The following LSAMP variants were observed in gnomAD, a reference collection of about 807,000 sequenced individuals.
LSAMP encodes the protein limbic system associated membrane protein, also known as limbic system-associated membrane protein.
A neutral mutation model predicts 38.6 loss-of-function variants in LSAMP; 7 were observed. The observed-to-expected ratio is 0.18, with a 90% CI of 0.10 to 0.34. LSAMP has a LOEUF of 0.34. Ranked by LOEUF, LSAMP falls within the 10% of genes least tolerant of loss-of-function variation. The pLI is 1.00. For synonymous variants in LSAMP, 154 were observed against 166.8 expected (o/e 0.92, Z 0.59); for missense variants, 313 against 420.0 (o/e 0.75, Z 2.23).
At chr3:116,330,710 A>C (rs542683397) in intron 1 of LSAMP, among the ~76,000 whole-genome samples, 33 of 152,308 alleles carry the variant, frequency 2.2e-4, no homozygotes, top group Non-Finnish European at 4.3e-4. Context: ...AGGAGGGCCT[A>C]AGTTTAACTC....
intron 1 of LSAMP, among the ~76,000 whole-genome samples, chr3:116,229,934 G>A (rs180842482): frequency 5.9e-5 from 9 of 152,092 alleles, no homozygotes; most frequent in Non-Finnish European, 2.9e-5. Context: ...TGGGGTGGTG[G>A]GTGGAAGATT....
chr3:115,834,598 C>T, intron 6 of LSAMP: 1 of 1,239,714 alleles, frequency 8.1e-7, no homozygotes, highest in Admixed American at 3.1e-5. Context: ...AAAACACGTT[C>T]TAAAGGGGAA....
intron 1 of LSAMP, among the ~76,000 whole-genome samples, chr3:116,128,811 A>G (rs1043037716): frequency 2.0e-5 from 3 of 152,196 alleles, no homozygotes; most frequent in Non-Finnish European, 4.4e-5. Flanking sequence ...ATGCAGAAAA[A>G]GAGGGAAAAA....
At chr3:116,260,838 G>A (rs1346874613) in intron 1 of LSAMP, among the ~76,000 whole-genome samples, 4 of 152,150 alleles carry the variant, frequency 2.6e-5, no homozygotes, top group Non-Finnish European at 5.9e-5. Flanking sequence ...GTCTAAGGCA[G>A]CATTTCCTTT....
At chr3:116,116,875 C>A (rs1400371081) in intron 1 of LSAMP, among the ~76,000 whole-genome samples, 1 of 152,146 alleles carries the variant, frequency 6.6e-6, no homozygotes, top group Admixed American at 6.5e-5. Flanking sequence ...GTCCAGCCTT[C>A]TAACCAGCCC....
At chr3:116,159,896 TA>T (rs1465505620) in intron 1 of LSAMP, among the ~76,000 whole-genome samples, 6 of 151,892 alleles carry the variant, frequency 4.0e-5, no homozygotes, top group African/African-American at 1.5e-4. Context: ...TACAAAGCCA[TA>T]AAAAAAGAAT....
chr3:116,257,775 C>T (rs1434177756), intron 1 of LSAMP, among the ~76,000 whole-genome samples: 1 of 152,156 alleles, frequency 6.6e-6, no homozygotes, highest in Non-Finnish European at 1.5e-5. Flanking sequence ...GCTGCTGATA[C>T]ATGGTGGGTG....
Position 115,842,445 on chromosome 3 carries a change from G to T in LSAMP, c.770+13C>A, listed in dbSNP as rs1559846344. 1.9e-6 allele frequency: 3 copies of T among 1,613,000 alleles called. No individual in the cohort carries two copies. Among genetic ancestry groups the T allele is most frequent in the East Asian group, 2.2e-5 (1 of 44,840 alleles). On this transcript the variant is annotated intron_variant, in intron 5 of 6. Transcript: ENST00000490035. ...GCAGTGGAGTCATGGGGGATGGTAG[G>T]TTTGGCACATACCTAGTGTCATCCC...
chr3:116,079,745 C>G (rs1707832519), intron 2 of LSAMP, among the ~76,000 whole-genome samples: 2 of 151,306 alleles, frequency 1.3e-5, no homozygotes, highest in African/African-American at 4.9e-5. Context: ...CAACCCATGT[C>G]ATACAGAAGA....
At chr3:116,073,146 C>A (rs536698729) in intron 2 of LSAMP, among the ~76,000 whole-genome samples, 53 of 152,232 alleles carry the variant, frequency 3.5e-4, no homozygotes, top group African/African-American at 1.2e-3. Flanking sequence ...TCTCCTAGAA[C>A]GATTTATTAA....
chr3:116,328,407 A>G (rs1006797050), intron 1 of LSAMP, among the ~76,000 whole-genome samples: 10 of 152,196 alleles, frequency 6.6e-5, no homozygotes, highest in African/African-American at 2.4e-4. Context: ...GTGTTTACAC[A>G]TATATATTCA....
chr3:115,842,345 A>G, intron 5 of LSAMP, 113 bp downstream of exon 5: 1 of 1,347,836 alleles, frequency 7.4e-7, no homozygotes, highest in Non-Finnish European at 1.0e-6. Context: ...GAAGAGTGTG[A>G]GAATATAGTT....
chr3:116,311,221 C>T (rs776388619), intron 1 of LSAMP, among the ~76,000 whole-genome samples: 10 of 152,202 alleles, frequency 6.6e-5, no homozygotes, highest in Non-Finnish European at 1.3e-4. Flanking sequence ...CATTCCTTCT[C>T]GTTGGAACTA....
chr3:116,334,658 C>T (rs781250900), intron 1 of LSAMP, among the ~76,000 whole-genome samples: 4 of 152,014 alleles, frequency 2.6e-5, no homozygotes, highest in Non-Finnish European at 5.9e-5. Context: ...ACCTGATTAT[C>T]TCAGTTGATG....
chr3:116,013,590 GT>G (rs1940392665), intron 3 of LSAMP, among the ~76,000 whole-genome samples: 1 of 151,962 alleles, frequency 6.6e-6, no homozygotes, highest in Non-Finnish European at 1.5e-5. Flanking sequence ...TAGATACACT[GT>G]TATTTACTAC....
At chr3:116,056,133 A>G (rs1941487016) in intron 2 of LSAMP, among the ~76,000 whole-genome samples, 1 of 152,116 alleles carries the variant, frequency 6.6e-6, no homozygotes, top group African/African-American at 2.4e-5. Context: ...TTCATGTATT[A>G]TTTATTTATT....
At chr3:116,028,983 A>G (rs1420918194) in intron 2 of LSAMP, among the ~76,000 whole-genome samples, 3 of 152,148 alleles carry the variant, frequency 2.0e-5, no homozygotes, top group African/African-American at 7.2e-5. Flanking sequence ...AAATGCAAGA[A>G]TATATACCAT....
chr3:116,184,062 A>C (rs1710552727), intron 1 of LSAMP, among the ~76,000 whole-genome samples: 1 of 151,848 alleles, frequency 6.6e-6, no homozygotes, highest in South Asian at 2.1e-4. Flanking sequence ...ACGAAAGTTG[A>C]ACTCGAGAGA....
At chr3:115,880,272 G>A (rs1308051186) in intron 3 of LSAMP, among the ~76,000 whole-genome samples, 1 of 152,046 alleles carries the variant, frequency 6.6e-6, no homozygotes, top group East Asian at 1.9e-4. Flanking sequence ...CAGATAACGA[G>A]TTTCATTAAT....
Sources: gnomAD v4.1 joint callset for allele counts (sites outside exome capture counted in the v4.1 genomes callset) on GRCh38, gnomAD v4.1.1 for gene constraint, MANE v1.5 for transcripts, NCBI Gene and HGNC (gene_info 2026-07-23, HGNC 2026-07-21) for gene names.